Variants in KCTD10 observed in about 807,000 individuals in gnomAD.
The protein encoded by KCTD10 is potassium channel tetramerization domain containing 10.
In KCTD10, 13 loss-of-function variants were observed where a neutral mutation model predicts 34.6. The ratio of observed to expected loss-of-function variants is 0.38; its 90% CI spans 0.24 to 0.60. The LOEUF is 0.60. Among genes scored for constraint, KCTD10 ranks in the 20% least tolerant of loss-of-function variants. KCTD10 has a pLI of 0.66. For synonymous variants in KCTD10, 156 were observed against 168.8 expected, an observed-to-expected ratio of 0.92 and a Z score of 0.59; for missense variants, 256 against 420.3, an observed-to-expected ratio of 0.61 and a Z score of 3.42.
chr12:109,461,557 C>T (rs1044554023), intron 2 of KCTD10, among the ~76,000 whole-genome samples: 1 of 152,164 alleles, frequency 6.6e-6, no homozygotes, highest in African/African-American at 2.4e-5. Flanking sequence ...TGCTCAATGT[C>T]CTTTCTAATC....
intron 1 of KCTD10, among the ~76,000 whole-genome samples, chr12:109,476,998 G>C (rs1279884171): frequency 6.6e-6 from 1 of 151,878 alleles, no homozygotes; most frequent in Non-Finnish European, 1.5e-5. Flanking sequence ...ACGCACACAC[G>C]TATCTACTCC....
chr12:109,467,223 T>A (rs7299041), intron 2 of KCTD10, among the ~76,000 whole-genome samples: 27,719 of 152,222 alleles, frequency 0.18, 2,733 homozygotes, highest in Middle Eastern at 0.25. Context: ...TCTAGTCCCA[T>A]CAGCTTTTGA....
At chr12:109,456,380 C>T in intron 5 of KCTD10, 67 bp from the exon 6 acceptor site, 1 of 1,443,140 alleles carries the variant, frequency 6.9e-7, no homozygotes, top group Non-Finnish European at 9.7e-7. Context: ...CTGGGCCCTT[C>T]TACACGCAGG....
intron 2 of KCTD10, among the ~76,000 whole-genome samples, chr12:109,465,167 T>C (rs1047097595): frequency 6.8e-6 from 1 of 147,382 alleles, no homozygotes; most frequent in Non-Finnish European, 1.5e-5. Context: ...CCGCAAACCC[T>C]CTACATGATC....
At chr12:109,452,563 A>G (rs1443264623) in intron 6 of KCTD10, among the ~76,000 whole-genome samples, 1 of 152,188 alleles carries the variant, frequency 6.6e-6, no homozygotes, top group African/African-American at 2.4e-5. Flanking sequence ...GAGCAGGCAC[A>G]CTCTACCCCG....
At position 109,451,132 on chromosome 12, in the gene KCTD10, T is replaced by A. The variant is rs1278327276; in HGVS notation, c.*463A>T. 1 of 154,086 alleles carries A rather than the reference T, an allele frequency of 6.5e-6. No homozygotes were observed. Among genetic ancestry groups the A allele is most frequent in the East Asian group, 1.9e-4 (1 of 5,220 alleles). The allele number at this position is 154,086 out of a possible 1,614,324, so 9.5% of individuals were successfully genotyped here. A position where few individuals can be genotyped will look rare whatever the true frequency, so the allele number is the denominator to read the frequency against. On this transcript the variant is annotated 3_prime_UTR_variant, in exon 7 of 7. Transcript: ENST00000228495. This position sits in a 1 kb window ranked among gnomAD's most constrained non-coding sequence, Gnocchi z 5.0. ...TGGACCTGCTGGGGCTGGAGGATTA[T>A]GAAATAGGAAGCAGGGAGCTCAGAT...
At chr12:109,463,779 G>A (rs775922344) in intron 2 of KCTD10, among the ~76,000 whole-genome samples, 14 of 152,172 alleles carry the variant, frequency 9.2e-5, no homozygotes, top group Non-Finnish European at 1.8e-4. Context: ...TTCTACAAAC[G>A]ATCTCACAGG....
At chr12:109,468,283 G>A (rs570399376) in intron 2 of KCTD10, among the ~76,000 whole-genome samples, 1 of 152,284 alleles carries the variant, frequency 6.6e-6, no homozygotes, top group African/African-American at 2.4e-5. Context: ...CCAGTGGGTA[G>A]CCCAAGCCTC....
In KCTD10 at chr12:109,477,278, G is replaced by T. The variant is rs759231007; in HGVS notation, c.-16C>A. Reference sequence around the variant, plus strand: ...TCCCTACCATGAAAAGTCGGAGGACGCAGGAGTCTCCAAACCCGGACTGAG... The same window carrying T: ...TCCCTACCATGAAAAGTCGGAGGACTCAGGAGTCTCCAAACCCGGACTGAG... On this transcript the variant is annotated 5_prime_UTR_variant, in exon 1 of 7. Transcript: ENST00000228495. 1.2e-6 allele frequency: 2 copies of T among 1,613,764 alleles called. No individual in the cohort carries two copies. The highest frequency in any genetic ancestry group is 2.2e-5 in the East Asian group (1 of 44,876).
chr12:109,461,055 T>C (rs1340763157), intron 2 of KCTD10, among the ~76,000 whole-genome samples: 20 of 152,170 alleles, frequency 1.3e-4, no homozygotes. Flanking sequence ...ACATCCCGAC[T>C]CTTGAGGCCC....
At chr12:109,457,233 C>CCA (rs1873064085) in intron 5 of KCTD10, 1 of 172,264 alleles carries the variant, frequency 5.8e-6, no homozygotes. Context: ...TTCATCAAGA[C>CCA]AGAAAACAGA....
intron 1 of KCTD10, among the ~76,000 whole-genome samples, chr12:109,476,969 T>C (rs1053055143): frequency 6.6e-6 from 1 of 152,172 alleles, no homozygotes; most frequent in Non-Finnish European, 1.5e-5. Context: ...CAGGACTCAC[T>C]TGGAGACACC....
At chr12:109,456,376 C>A in intron 5 of KCTD10, 63 bp from the exon 6 acceptor site, 1 of 1,472,860 alleles carries the variant, frequency 6.8e-7, no homozygotes, top group Non-Finnish European at 9.4e-7. Flanking sequence ...TTTGCTGGGC[C>A]CTTCTACACG....
chr12:109,455,791 C>A (rs1337521882), intron 6 of KCTD10, among the ~76,000 whole-genome samples: 4 of 152,118 alleles, frequency 2.6e-5, no homozygotes, highest in Non-Finnish European at 5.9e-5. Flanking sequence ...CTTTGTGGAA[C>A]GGCATGGTGG....
rs1872614176 is a variant in KCTD10, at chr12:109,448,866, G to A, written c.*2729C>T. 1 of 152,212 alleles carries A rather than the reference G, an allele frequency of 6.6e-6. No homozygotes were observed. Among genetic ancestry groups the A allele is most frequent in the Admixed American group, 6.5e-5 (1 of 15,288 alleles). 9.4% of individuals were successfully genotyped at this position (152,212 alleles called of 1,614,324 possible). On this transcript the variant is annotated 3_prime_UTR_variant, in exon 7 of 7. Coordinates refer to ENST00000228495, the MANE Select transcript of KCTD10 (RefSeq NM_031954.5). Reference sequence around the variant, plus strand: ...GTTCACACTTGGGTCCTGAATCGCTGTTGTAAGGTACAGAGACACACTTTA... The same window carrying A: ...GTTCACACTTGGGTCCTGAATCGCTATTGTAAGGTACAGAGACACACTTTA...
At chr12:109,472,862 T>A (rs898281368) in intron 1 of KCTD10, among the ~76,000 whole-genome samples, 1 of 152,242 alleles carries the variant, frequency 6.6e-6, no homozygotes, top group African/African-American at 2.4e-5. Flanking sequence ...CCAATACCTT[T>A]TTAAAGATAA....
At chr12:109,458,429 TAA>T in intron 3 of KCTD10, 2 of 172,870 alleles carry the variant, frequency 1.2e-5, no homozygotes, top group Admixed American at 6.1e-5. Flanking sequence ...GCAGAGGAAT[TAA>T]AAAAAAAAGC....
chr12:109,475,671 G>A lies in KCTD10; in HGVS notation c.3+1589C>T, dbSNP rs188213591. Among the ~76,000 whole-genome samples the A allele has an allele frequency of 1.1e-4, 16 of 152,282 alleles. No individual in the cohort carries two copies. The East Asian group carries it at 2.9e-3, about 28-fold the overall frequency. On this transcript the variant is annotated intron_variant, in intron 1 of 6. Transcript: ENST00000228495. ...GGTATTTAACCAGCTTTATCTAAGA[G>A]TTGCCAGGGATGTGAGGCAAAGCAT...
intron 2 of KCTD10, among the ~76,000 whole-genome samples, chr12:109,461,292 G>A (rs1351386128): frequency 6.6e-6 from 1 of 152,212 alleles, no homozygotes; most frequent in Non-Finnish European, 1.5e-5. Context: ...CTCGCAGACT[G>A]TGACCTCTGA....
Sources: gnomAD v4.1 joint callset for allele counts (sites outside exome capture counted in the v4.1 genomes callset) on GRCh38, gnomAD v4.1.1 for gene constraint, Gnocchi (gnomAD v3.1) non-coding constraint, MANE v1.5 for transcripts, NCBI Gene and HGNC (gene_info 2026-07-23, HGNC 2026-07-21) for gene names.